Variants in CTNNA3 observed in about 807,000 individuals in gnomAD.
CTNNA3 encodes the protein catenin alpha-3.
CTNNA3 carries 76 observed loss-of-function variants against 95.7 expected under a neutral mutation model. The ratio of observed to expected loss-of-function variants is 0.79; its 90% CI spans 0.66 to 0.96. The LOEUF is 0.96. Ranked by LOEUF, CTNNA3 falls within the 40% of genes least tolerant of loss-of-function variation. The pLI, the probability that CTNNA3 is intolerant of heterozygous loss-of-function variation, is 0.00. For missense variants in CTNNA3, 1,191 were observed against 1,089.8 expected, an observed-to-expected ratio of 1.09 and a Z score of -1.31; for synonymous variants, 431 against 374.4, an observed-to-expected ratio of 1.15 and a Z score of -1.74.
At chr10:66,383,443 A>G (rs2092859184) in intron 11 of CTNNA3, among the ~76,000 whole-genome samples, 3 of 152,240 alleles carry the variant, frequency 2.0e-5, no homozygotes, top group African/African-American at 7.2e-5. Context: ...ATATGGGACT[A>G]TGTGAAAAGA....
intron 7 of CTNNA3, among the ~76,000 whole-genome samples, chr10:66,956,014 G>C (rs184409969): frequency 6.6e-6 from 1 of 152,090 alleles, no homozygotes; most frequent in East Asian, 1.9e-4. Flanking sequence ...GAGCCTTTAA[G>C]GGAATTCTGC....
intron 7 of CTNNA3, among the ~76,000 whole-genome samples, chr10:66,886,601 T>C (rs1009686371): frequency 2.0e-5 from 3 of 152,184 alleles, no homozygotes; most frequent in Admixed American, 6.5e-5. Context: ...TCCAGGACCA[T>C]CTAATTCACT....
chr10:66,072,454 T>TTTTGTTTTGC (rs553754147), intron 14 of CTNNA3, among the ~76,000 whole-genome samples: 23 of 152,042 alleles, frequency 1.5e-4, no homozygotes, highest in Admixed American at 7.9e-4. Flanking sequence ...TTTTGTTTTG[T>TTTTGTTTTGC]TTTGTTTTAA....
chr10:66,613,302 T>G (rs1844393033), intron 10 of CTNNA3, among the ~76,000 whole-genome samples: 1 of 152,062 alleles, frequency 6.6e-6, no homozygotes, highest in Admixed American at 6.6e-5. Context: ...CTAATAAAAC[T>G]TAGGCCTTAA....
At chr10:66,042,183 T>C (rs574040698) in intron 15 of CTNNA3, among the ~76,000 whole-genome samples, 2 of 152,268 alleles carry the variant, frequency 1.3e-5, no homozygotes, top group East Asian at 3.9e-4. Context: ...ATCCAGGTAG[T>C]TTTTCTTGAT....
At chr10:66,926,954 C>T in intron 7 of CTNNA3, 1 of 1,612,654 alleles carries the variant, frequency 6.2e-7, no homozygotes, top group South Asian at 1.1e-5. Context: ...AGCGGATCAG[C>T]TGTAGCACTG....
intron 8 of CTNNA3, among the ~76,000 whole-genome samples, chr10:66,770,849 AAATT>A (rs59537078): frequency 0.85 from 128,804 of 151,560 alleles, 55,029 homozygotes; most frequent in East Asian, 1. Flanking sequence ...AAATTTTAAT[AAATT>A]AACAGTATTT....
chr10:66,227,441 ATCAT>A (rs1414951542), intron 13 of CTNNA3, among the ~76,000 whole-genome samples: 2 of 150,754 alleles, frequency 1.3e-5, no homozygotes, highest in Admixed American at 1.3e-4. Context: ...TATTGAGGTG[ATCAT>A]TCAATTGTTG....
At chr10:67,138,472 C>T (rs560485782) in intron 7 of CTNNA3, among the ~76,000 whole-genome samples, 1 of 152,204 alleles carries the variant, frequency 6.6e-6, no homozygotes, top group Non-Finnish European at 1.5e-5. Flanking sequence ...TCTAACTTAT[C>T]TATACTGCTC....
intron 5 of CTNNA3, among the ~76,000 whole-genome samples, chr10:67,472,805 C>A (rs1251395254): frequency 6.6e-6 from 1 of 152,178 alleles, no homozygotes; most frequent in Admixed American, 6.5e-5. Flanking sequence ...TGAATTCTTT[C>A]CTGCACAAAG....
intron 12 of CTNNA3, among the ~76,000 whole-genome samples, chr10:66,339,904 T>A (rs2092436330): frequency 6.6e-6 from 1 of 151,844 alleles, no homozygotes; most frequent in African/African-American, 2.4e-5. Flanking sequence ...ATACCCATAA[T>A]TTGCTGGATT....
At chr10:67,007,383 T>C (rs1852058898) in intron 7 of CTNNA3, among the ~76,000 whole-genome samples, 1 of 151,252 alleles carries the variant, frequency 6.6e-6, no homozygotes, top group Non-Finnish European at 1.5e-5. Flanking sequence ...ACCAACTTTT[T>C]ATTGGCTTCA....
chr10:67,570,814 G>A (rs1376500259), intron 3 of CTNNA3, among the ~76,000 whole-genome samples: 1 of 151,964 alleles, frequency 6.6e-6, no homozygotes, highest in African/African-American at 2.4e-5. Flanking sequence ...TCACATCTTT[G>A]GTAATTTCTT....
intron 7 of CTNNA3, among the ~76,000 whole-genome samples, chr10:66,792,024 T>C (rs1177047644): frequency 1.3e-5 from 2 of 152,214 alleles, no homozygotes; most frequent in Non-Finnish European, 2.9e-5. Context: ...TAAAGACTCA[T>C]AAATTATAAG....
chr10:66,410,350 C>A (rs182816595), intron 11 of CTNNA3, among the ~76,000 whole-genome samples: 331 of 152,266 alleles, frequency 2.2e-3, no homozygotes, highest in Non-Finnish European at 3.7e-3. Context: ...TCTAGTAGTT[C>A]CATCATACTT....
chr10:66,269,292 A>G (rs1208135557), intron 13 of CTNNA3, among the ~76,000 whole-genome samples: 1 of 152,216 alleles, frequency 6.6e-6, no homozygotes. Context: ...TTTGTACTCT[A>G]AGAGTTAAAT....
chr10:67,068,799 C>T (rs1856252324), intron 7 of CTNNA3, among the ~76,000 whole-genome samples: 1 of 152,192 alleles, frequency 6.6e-6, no homozygotes, highest in Admixed American at 6.5e-5. Flanking sequence ...GTGGCTTACG[C>T]CTGTAATCCC....
intron 17 of CTNNA3, among the ~76,000 whole-genome samples, chr10:65,928,607 AG>A (rs2077203341): frequency 6.6e-6 from 1 of 152,230 alleles, no homozygotes; most frequent in African/African-American, 2.4e-5. Flanking sequence ...AGAATTATTA[AG>A]TGCAGAAACC....
At chr10:67,268,308 ATAAATTAAATTAAATTAAAT>A (rs200272425) in intron 5 of CTNNA3, among the ~76,000 whole-genome samples, 138 of 126,930 alleles carry the variant, frequency 1.1e-3, no homozygotes, top group African/African-American at 4.1e-3. Context: ...CTCTACAAAA[ATAAATTAAATTAAATTAAAT>A]TAAATTAAAT....
Sources: allele counts gnomAD v4.1 joint callset (sites outside exome capture counted in the v4.1 genomes callset), GRCh38; gene constraint gnomAD v4.1.1; transcripts MANE v1.5; gene names NCBI Gene and HGNC (gene_info 2026-07-23, HGNC 2026-07-21).